The following NPIPB7 variants were observed in gnomAD, a reference collection of about 807,000 sequenced individuals.
NPIPB7 encodes the protein nuclear pore complex interacting protein family member B7.
For synonymous variants in NPIPB7, 9 were observed against 88.1 expected (o/e 0.10, Z 5.03); for missense variants, 14 against 238.5 (o/e 0.06, Z 6.20).
intron 2 of NPIPB7, among the ~76,000 whole-genome samples, chr16:28,463,304 C>A (rs1383790202): frequency 7.4e-6 from 1 of 135,988 alleles, no homozygotes; most frequent in Non-Finnish European, 1.6e-5. Context: ...AGGCAGAGAA[C>A]CGTTTGAAGC....
upstream of NPIPB7, among the ~76,000 whole-genome samples, chr16:28,470,838 G>C: frequency 7.5e-6 from 1 of 132,466 alleles, no homozygotes; most frequent in Non-Finnish European, 1.6e-5. Flanking sequence ...CGCGGGGCAA[G>C]GGAGCGTGAG....
At chr16:28,464,026 T>C (rs1325092401) in intron 2 of NPIPB7, among the ~76,000 whole-genome samples, 35 of 60,164 alleles carry the variant, frequency 5.8e-4, no homozygotes, top group African/African-American at 1.7e-3. Flanking sequence ...AGAGTGAGAC[T>C]CCGTCTCAAA....
intron 2 of NPIPB7, among the ~76,000 whole-genome samples, chr16:28,465,541 C>T (rs1446956705): frequency 2.1e-5 from 3 of 144,280 alleles, no homozygotes; most frequent in Non-Finnish European, 3.0e-5. Context: ...ACCGAAAATT[C>T]TCTGTTCAGG....
intron 2 of NPIPB7, among the ~76,000 whole-genome samples, chr16:28,464,428 G>A (rs1165339930): frequency 6.6e-6 from 1 of 152,130 alleles, no homozygotes; most frequent in Non-Finnish European, 1.5e-5. Flanking sequence ...TCATCATAGC[G>A]AAAATGCAAT....
intron 2 of NPIPB7, among the ~76,000 whole-genome samples, chr16:28,463,870 AC>A (rs1458612472): frequency 8.7e-6 from 1 of 115,444 alleles, no homozygotes; most frequent in African/African-American, 3.0e-5. Context: ...CCCCGTCTCT[AC>A]TAAAAATACA....
At chr16:28,461,256 G>T (rs561325973) in intron 4 of NPIPB7, among the ~76,000 whole-genome samples, 2 of 128,368 alleles carry the variant, frequency 1.6e-5, no homozygotes, top group African/African-American at 5.5e-5. Flanking sequence ...CAGAATAGAG[G>T]TAGACAGGAA....
chr16:28,462,333 T>C (rs1255427381), intron 4 of NPIPB7, among the ~76,000 whole-genome samples: 1 of 139,008 alleles, frequency 7.2e-6, no homozygotes, highest in Non-Finnish European at 1.6e-5. Context: ...GGCAGGAGAA[T>C]TGCTTGAAGT....
chr16:28,467,488 G>A (rs1361211754), intron 1 of NPIPB7, among the ~76,000 whole-genome samples: 3 of 144,508 alleles, frequency 2.1e-5, no homozygotes, highest in African/African-American at 7.6e-5. Flanking sequence ...TGAACTCCTG[G>A]CAGGCGATCT....
chr16:28,470,808 A>C (rs1347945528), upstream of NPIPB7, among the ~76,000 whole-genome samples: 1 of 145,322 alleles, frequency 6.9e-6, no homozygotes, highest in Non-Finnish European at 1.5e-5. Flanking sequence ...CACGGAGAAG[A>C]TCAGGGAAGC....
At chr16:28,461,209 C>G (rs1388257821) in intron 4 of NPIPB7, among the ~76,000 whole-genome samples, 2 of 150,740 alleles carry the variant, frequency 1.3e-5, no homozygotes, top group East Asian at 4.1e-4. Flanking sequence ...GTACTGAAAT[C>G]CACTGGCTCT....
chr16:28,462,208 T>A (rs1189479141), intron 4 of NPIPB7, among the ~76,000 whole-genome samples: 1 of 148,646 alleles, frequency 6.7e-6, no homozygotes, highest in Non-Finnish European at 1.5e-5. Flanking sequence ...TTACCTGAGG[T>A]CAGAAGTTCG....
intron 1 of NPIPB7, among the ~76,000 whole-genome samples, chr16:28,468,938 CTGAG>C (rs1170706471): frequency 2.5e-5 from 3 of 119,766 alleles, no homozygotes; most frequent in Non-Finnish European, 5.7e-5. Context: ...AAGACTTCCC[CTGAG>C]TAAGTTCAGA....
At chr16:28,464,914 A>C (rs2045897123) in intron 2 of NPIPB7, among the ~76,000 whole-genome samples, 1 of 147,682 alleles carries the variant, frequency 6.8e-6, no homozygotes, top group Non-Finnish European at 1.5e-5. Context: ...AAAAAGATGA[A>C]AAGAGCAACC....
intron 2 of NPIPB7, among the ~76,000 whole-genome samples, chr16:28,463,642 C>T (rs2045886119): frequency 7.9e-6 from 1 of 126,894 alleles, no homozygotes; most frequent in Non-Finnish European, 1.7e-5. Flanking sequence ...AGGAGAATCA[C>T]TTGAACCCAG....
chr16:28,465,295 G>C (rs2045899560), intron 2 of NPIPB7, among the ~76,000 whole-genome samples: 2 of 68,228 alleles, frequency 2.9e-5, no homozygotes, highest in African/African-American at 9.6e-5. Context: ...GACTAGCCTG[G>C]CCAACATGGT....
chr16:28,472,150 C>A (rs557201285), upstream of NPIPB7, among the ~76,000 whole-genome samples: 1 of 152,200 alleles, frequency 6.6e-6, no homozygotes, highest in Non-Finnish European at 1.5e-5. Flanking sequence ...CAGTGGCCCA[C>A]GCCTGTAATC....
At chr16:28,471,961 T>C (rs1402516206), upstream of NPIPB7, among the ~76,000 whole-genome samples, 1 of 152,010 alleles carries the variant, frequency 6.6e-6, no homozygotes, top group Non-Finnish European at 1.5e-5. Flanking sequence ...ACCTGGAAGA[T>C]GGAGTTTGCA....
At chr16:28,461,276 C>G (rs1316557298) in intron 4 of NPIPB7, among the ~76,000 whole-genome samples, 1 of 128,342 alleles carries the variant, frequency 7.8e-6, no homozygotes. Context: ...AATACCCTGG[C>G]CTTTGTAGGG....
intron 1 of NPIPB7, chr16:28,469,967 G>C: frequency 3.4e-6 from 1 of 296,300 alleles, no homozygotes; most frequent in Non-Finnish European, 6.3e-6. Flanking sequence ...GTGAGACTCT[G>C]TCTAAAAAAA....
Sources: allele counts gnomAD v4.1 joint callset (sites outside exome capture counted in the v4.1 genomes callset), GRCh38; gene constraint gnomAD v4.1.1; transcripts MANE v1.5; gene names NCBI Gene and HGNC (gene_info 2026-07-23, HGNC 2026-07-21).